Variants in CSMD1 observed in about 807,000 individuals in gnomAD.
CSMD1 encodes the protein CUB and sushi domain-containing protein 1.
Under a neutral mutation model 417.5 loss-of-function variants are expected in CSMD1, and 213 were observed. The observed-to-expected ratio is 0.51, with a 90% CI of 0.46 to 0.57. The LOEUF (loss-of-function observed/expected upper bound fraction) is 0.57, where lower values mean the gene tolerates loss of function less well. Among genes scored for constraint, CSMD1 ranks in the 20% least tolerant of loss-of-function variants. CSMD1 has a pLI of 0.00. For missense variants in CSMD1, 6,923 were observed against 4,529.7 expected (o/e 1.53, Z -15.17); for synonymous variants, 2,862 against 1,736.8 (o/e 1.65, Z -16.11).
chr8:3,437,774 G>A (rs888852715), intron 12 of CSMD1, among the ~76,000 whole-genome samples: 25 of 150,086 alleles, frequency 1.7e-4, no homozygotes, highest in African/African-American at 4.9e-4. Flanking sequence ...TTGTTTCAGA[G>A]TCTTGCTCTG....
chr8:4,027,300 G>A (rs1041655707), intron 4 of CSMD1, among the ~76,000 whole-genome samples: 1 of 152,156 alleles, frequency 6.6e-6, no homozygotes, highest in African/African-American at 2.4e-5. Context: ...AGTGAGTCAG[G>A]AGTAGAAAGT....
rs148063705 is a variant in CSMD1 at position 4,646,565 on chromosome 8, C to G, written c.86-9007G>C. On this transcript the variant is annotated intron_variant, in intron 1 of 69. Transcript: ENST00000635120. The stretch of plus-strand genomic sequence containing the variant: ...GTGTAAAACTACCAGTTGCCTGATT[C>G]CTGGGTGTTCGCATATACAAATTCT... Among the ~76,000 whole-genome samples, 553 of 152,254 alleles carry G rather than the reference C, an allele frequency of 3.6e-3. 4 individuals are homozygous for G. The highest frequency in any genetic ancestry group is 0.013 in the African/African-American group (525 of 41,542).
intron 3 of CSMD1, among the ~76,000 whole-genome samples, chr8:4,410,282 G>C (rs1218136962): frequency 2.0e-5 from 3 of 152,130 alleles, no homozygotes; most frequent in African/African-American, 7.2e-5. Context: ...CATTTCACAA[G>C]GGAAAACAAA....
chr8:4,099,887 A>G (rs566863943), intron 3 of CSMD1, among the ~76,000 whole-genome samples: 1 of 152,282 alleles, frequency 6.6e-6, no homozygotes, highest in African/African-American at 2.4e-5. Flanking sequence ...TGTACTGGGA[A>G]CCAGTTCAGA....
intron 3 of CSMD1, among the ~76,000 whole-genome samples, chr8:4,276,506 G>A (rs907470512): frequency 6.6e-6 from 1 of 152,150 alleles, no homozygotes; most frequent in African/African-American, 2.4e-5. Flanking sequence ...ACGGGTTAGT[G>A]GGTGCAGCAA....
intron 1 of CSMD1, among the ~76,000 whole-genome samples, chr8:4,761,900 T>TATCTATCTATCA (rs1230829984): frequency 7.3e-4 from 71 of 97,078 alleles, no homozygotes; most frequent in African/African-American, 2.9e-3. Context: ...CCTACCTATC[T>TATCTATCTATCA]ATCTATCTAT....
intron 54 of CSMD1, among the ~76,000 whole-genome samples, chr8:2,981,329 A>C (rs1334897466): frequency 1.3e-5 from 2 of 152,178 alleles, no homozygotes; most frequent in African/African-American, 4.8e-5. Context: ...AAAGAGGCTT[A>C]TGTGAGTGAC....
At chr8:3,546,384 A>C (rs1001962721) in intron 10 of CSMD1, among the ~76,000 whole-genome samples, 24 of 152,012 alleles carry the variant, frequency 1.6e-4, no homozygotes, top group Admixed American at 3.9e-4. Flanking sequence ...AAAATACAAA[A>C]AATTAGCTGG....
intron 5 of CSMD1, among the ~76,000 whole-genome samples, chr8:3,983,934 T>C (rs556435067): frequency 1.3e-4 from 16 of 121,230 alleles, no homozygotes; most frequent in African/African-American, 2.5e-4. Context: ...GGGCTGTCAA[T>C]TGCAACTCTA....
At position 4,312,370 on chromosome 8, in the gene CSMD1, G is replaced by A. The variant is rs966848902; in HGVS notation, c.415+107583C>T. On this transcript the variant is annotated intron_variant, in intron 3 of 69. Coordinates refer to ENST00000635120, the MANE Select transcript of CSMD1 (RefSeq NM_033225.6). ...CCAAAATAAGCTAATTACTTTTAAT[G>A]GAACAAATATATATATATATATACA... Among the ~76,000 whole-genome samples, 4 of 101,562 alleles carry A rather than the reference G, an allele frequency of 3.9e-5. 1 individual carries two copies. In the South Asian group the frequency reaches 9.6e-4, roughly 24 times the overall value. The allele number at this position is 101,562 out of a possible 152,430, so 66.6% of individuals were successfully genotyped here.
At chr8:4,769,340 T>C (rs2117137473) in intron 1 of CSMD1, among the ~76,000 whole-genome samples, 1 of 152,284 alleles carries the variant, frequency 6.6e-6, no homozygotes, top group South Asian at 2.1e-4. Context: ...ACCGTTTAAG[T>C]AAGTATACTA....
chr8:3,218,714 A>C (rs1798027637), intron 29 of CSMD1, among the ~76,000 whole-genome samples: 1 of 151,862 alleles, frequency 6.6e-6, no homozygotes, highest in Non-Finnish European at 1.5e-5. Flanking sequence ...TCTACTAAAA[A>C]TACAAAAATT....
chr8:4,212,933 G>A (rs914476928), intron 3 of CSMD1, among the ~76,000 whole-genome samples: 3 of 151,964 alleles, frequency 2.0e-5, no homozygotes, highest in African/African-American at 7.3e-5. Flanking sequence ...TTCCCAACTA[G>A]CTTTCCTTCC....
At chr8:4,557,953 G>C (rs1210414550) in intron 2 of CSMD1, among the ~76,000 whole-genome samples, 1 of 152,118 alleles carries the variant, frequency 6.6e-6, no homozygotes, top group African/African-American at 2.4e-5. Context: ...TCAGGAAGCT[G>C]ATAAATAATA....
rs1247267659 is a variant in CSMD1 at position 3,108,701 on chromosome 8, T to C, written c.6656A>G (p.Asn2219Ser). ...GCTATACGCCGTTTCGAGGGCTGTGTTGCCACTGAAAACTCCCAGCTGGGG... is the reference window on the plus strand; with the variant it reads ...GCTATACGCCGTTTCGAGGGCTGTGCTGCCACTGAAAACTCCCAGCTGGGG... ...NSPQLGVFSGNTALETAYSST... is the reference protein window; with the variant it reads ...NSPQLGVFSGSTALETAYSST... Residue 2219 changes from asparagine (N) to serine (S), a missense_variant, in exon 44 of 70, where the codon AAC (asparagine) becomes AGC (serine). Asn to Ser is a conservative substitution (Grantham distance 46). Coordinates refer to ENST00000635120, the MANE Select transcript of CSMD1 (RefSeq NM_033225.6). 3 of 1,613,508 alleles carry C rather than the reference T, an allele frequency of 1.9e-6. No homozygotes were observed. Among genetic ancestry groups the C allele is most frequent in the Non-Finnish European group, 2.5e-6 (3 of 1,179,766 alleles).
At chr8:4,246,412 A>C (rs888183364) in intron 3 of CSMD1, among the ~76,000 whole-genome samples, 3 of 152,170 alleles carry the variant, frequency 2.0e-5, no homozygotes, top group Non-Finnish European at 4.4e-5. Flanking sequence ...GAAGTTCTTA[A>C]TAAGTTGTAG....
chr8:4,955,566 C>T (rs752713907), intron 1 of CSMD1, among the ~76,000 whole-genome samples: 19 of 151,968 alleles, frequency 1.3e-4, no homozygotes, highest in Non-Finnish European at 2.5e-4. Context: ...AGAGACTCTC[C>T]TGCCTCAGCC....
intron 32 of CSMD1, among the ~76,000 whole-genome samples, chr8:3,200,612 G>A (rs74614332): frequency 0.014 from 2,084 of 151,424 alleles, 50 homozygotes; most frequent in African/African-American, 0.047. Flanking sequence ...ATATAAAAGT[G>A]CATATAAAAT....
chr8:3,886,841 A>C (rs2627353), intron 5 of CSMD1, among the ~76,000 whole-genome samples: 1 of 152,146 alleles, frequency 6.6e-6, no homozygotes, highest in Non-Finnish European at 1.5e-5. Context: ...GATCTAATTC[A>C]AAACTTTCTG....
Sources: allele counts gnomAD v4.1 joint callset (sites outside exome capture counted in the v4.1 genomes callset), GRCh38; gene constraint gnomAD v4.1.1; transcripts MANE v1.5; gene names NCBI Gene and HGNC (gene_info 2026-07-23, HGNC 2026-07-21).